Variants in DNM3 observed in about 807,000 individuals in gnomAD.
DNM3 encodes dynamin 3.
DNM3 carries 47 observed loss-of-function variants against 101.6 expected under a neutral mutation model. That is an observed-to-expected ratio of 0.46 (90% CI 0.37 to 0.59). DNM3 has a LOEUF of 0.59. DNM3 is among the 20% of genes least tolerant of loss of function. The probability of loss-of-function intolerance (pLI) is 0.00; values close to 1 mark genes in which losing one functional copy is unlikely to be tolerated. For synonymous variants in DNM3, 385 were observed against 387.9 expected, an observed-to-expected ratio of 0.99 and a Z score of 0.09; for missense variants, 849 against 1,085.7, an observed-to-expected ratio of 0.78 and a Z score of 3.06.
intron 14 of DNM3, among the ~76,000 whole-genome samples, chr1:172,170,974 T>C (rs2058936854): frequency 6.6e-6 from 1 of 151,854 alleles, no homozygotes; most frequent in South Asian, 2.1e-4. Context: ...AATAGTGACG[T>C]TATTTTTCAT....
chr1:171,842,399 G>A (rs955126156), intron 1 of DNM3, among the ~76,000 whole-genome samples: 1 of 152,204 alleles, frequency 6.6e-6, no homozygotes, highest in African/African-American at 2.4e-5. Context: ...CGAGGAGAAA[G>A]ACGTCGTTTG....
At chr1:172,270,465 C>A (rs1573227908) in intron 15 of DNM3, among the ~76,000 whole-genome samples, 1 of 151,976 alleles carries the variant, frequency 6.6e-6, no homozygotes, top group East Asian at 1.9e-4. Flanking sequence ...TATGGTGACA[C>A]CAACTTACCC....
intron 1 of DNM3, among the ~76,000 whole-genome samples, chr1:171,904,071 G>A (rs2038603484): frequency 6.6e-6 from 1 of 151,984 alleles, no homozygotes; most frequent in Non-Finnish European, 1.5e-5. Flanking sequence ...ACTTTGGGAG[G>A]CTGTGGTGGG....
chr1:172,414,899 C>T (rs1203143970), downstream of DNM3, among the ~76,000 whole-genome samples: 21 of 37,596 alleles, frequency 5.6e-4, no homozygotes, highest in Non-Finnish European at 1.3e-3. Context: ...AAGACCTCAT[C>T]TCTAAAAAAA....
chr1:172,387,475 G>A (rs1398581530), intron 19 of DNM3, 116 bp downstream of exon 19: 1 of 822,522 alleles, frequency 1.2e-6, no homozygotes, highest in Non-Finnish European at 1.9e-6. Flanking sequence ...GGCGAACATA[G>A]TGAAACCCTG....
At chr1:172,385,777 G>T (rs1475642672) in intron 18 of DNM3, among the ~76,000 whole-genome samples, 1 of 152,064 alleles carries the variant, frequency 6.6e-6, no homozygotes, top group Non-Finnish European at 1.5e-5. Context: ...CTTGCGTTTG[G>T]CCTTTCTTAA....
intron 15 of DNM3, among the ~76,000 whole-genome samples, chr1:172,293,259 T>G (rs931250898): frequency 1.3e-5 from 2 of 152,202 alleles, no homozygotes; most frequent in African/African-American, 4.8e-5. Flanking sequence ...GAATTAAACT[T>G]TGGATTTTTA....
intron 2 of DNM3, among the ~76,000 whole-genome samples, chr1:171,924,010 T>C (rs2040372358): frequency 6.6e-6 from 1 of 152,184 alleles, no homozygotes; most frequent in Non-Finnish European, 1.5e-5. Context: ...AAGGACATGA[T>C]TTCATTCTTT....
chr1:172,041,895 G>A, intron 7 of DNM3, 114 bp from the exon 8 acceptor site: 12 of 1,163,318 alleles, frequency 1.0e-5, no homozygotes, highest in Non-Finnish European at 1.4e-5. Flanking sequence ...CTGCCAGTAG[G>A]TGCCACTAAG....
chr1:172,032,452 A>G lies in DNM3; in HGVS notation c.640A>G (p.Thr214Ala). 1 of 1,612,372 alleles carries G rather than the reference A, an allele frequency of 6.2e-7. No homozygotes were observed. The highest frequency in any genetic ancestry group is 8.5e-7 in the Non-Finnish European group (1 of 1,179,090). The change falls in exon 5 of 21, where the codon ACG (threonine) becomes GCG (alanine). Residue 214 changes from threonine to alanine, a missense_variant. Physicochemically the swap from Thr to Ala is moderately conservative, Grantham distance 58 (BLOSUM62 0). Around this residue, in one of 5 missense-constraint regions of DNM3, gnomAD observed 388 missense variants for 483.0 expected, o/e 0.80. Transcript: ENST00000627582. ...ITKLDLMDEGTDARDVLENKL... is the reference protein window; with the variant it reads ...ITKLDLMDEGADARDVLENKL... ...CAAACTGGACCTTATGGATGAAGGA[A>G]CGGATGCCAGGGATGTTCTAGAGAA...
chr1:171,861,426 TA>T (rs2034165133), intron 1 of DNM3, among the ~76,000 whole-genome samples: 2 of 152,132 alleles, frequency 1.3e-5, no homozygotes, highest in Admixed American at 6.5e-5. Context: ...AGTCCAGAAA[TA>T]AACTGTTACA....
At chr1:172,379,811 G>A (rs12077769) in intron 18 of DNM3, among the ~76,000 whole-genome samples, 3,692 of 151,970 alleles carry the variant, frequency 0.024, 160 homozygotes, top group African/African-American at 0.084. Context: ...AGTAGTCAGA[G>A]TATGATACTT....
At chr1:172,016,607 GT>G (rs1026002804) in intron 4 of DNM3, among the ~76,000 whole-genome samples, 1 of 152,142 alleles carries the variant, frequency 6.6e-6, no homozygotes, top group African/African-American at 2.4e-5. Flanking sequence ...GGTAATGCTG[GT>G]TTTATAGAAA....
At chr1:171,859,414 G>A (rs1215341527) in intron 1 of DNM3, among the ~76,000 whole-genome samples, 1 of 152,096 alleles carries the variant, frequency 6.6e-6, no homozygotes, top group Admixed American at 6.6e-5. Context: ...TCACTAAATT[G>A]TGAGCCTCTC....
chr1:171,920,660 T>C (rs1179379063), intron 1 of DNM3, among the ~76,000 whole-genome samples: 1 of 152,236 alleles, frequency 6.6e-6, no homozygotes, highest in African/African-American at 2.4e-5. Context: ...GTGCTATAGG[T>C]ATGTTTTTGA....
chr1:172,369,324 A>G (rs898343007), intron 17 of DNM3, among the ~76,000 whole-genome samples: 2 of 151,986 alleles, frequency 1.3e-5, no homozygotes, highest in Admixed American at 1.3e-4. Flanking sequence ...TTCAACATAT[A>G]CAAATCAATA....
chr1:172,063,251 C>T (rs533231213), intron 10 of DNM3, among the ~76,000 whole-genome samples: 1 of 152,206 alleles, frequency 6.6e-6, no homozygotes, highest in Admixed American at 6.5e-5. Flanking sequence ...CTTGCCTGGT[C>T]TCTTGACCAT....
chr1:172,125,763 G>T (rs149081207), intron 13 of DNM3, among the ~76,000 whole-genome samples: 1 of 152,164 alleles, frequency 6.6e-6, no homozygotes, highest in Non-Finnish European at 1.5e-5. Flanking sequence ...AACAGAATTT[G>T]ATATTCAAAT....
intron 14 of DNM3, among the ~76,000 whole-genome samples, chr1:172,226,108 CATCCAATAATCA>C (rs1432233415): frequency 6.6e-6 from 1 of 152,030 alleles, no homozygotes; most frequent in African/African-American, 2.4e-5. Context: ...CATATAATTG[CATCCAATAATCA>C]CCTCAGGATA....
Sources: allele counts gnomAD v4.1 joint callset (sites outside exome capture counted in the v4.1 genomes callset), GRCh38; gene constraint gnomAD v4.1.1; regional missense constraint gnomAD v4.1.1; transcripts MANE v1.5; gene names NCBI Gene and HGNC (gene_info 2026-07-23, HGNC 2026-07-21).